The following BRIP1 variants were observed in gnomAD, a reference collection of about 807,000 sequenced individuals.
BRIP1 encodes BRCA1 interacting DNA helicase 1.
A neutral mutation model predicts 119.7 loss-of-function variants in BRIP1; 88 were observed. The observed-to-expected ratio is 0.74, with a 90% CI of 0.62 to 0.88. The LOEUF (loss-of-function observed/expected upper bound fraction) is 0.88, where lower values mean the gene tolerates loss of function less well. Among genes scored for constraint, BRIP1 ranks in the 40% least tolerant of loss-of-function variants. The pLI, the probability that BRIP1 is intolerant of heterozygous loss-of-function variation, is 0.00. For missense variants in BRIP1, 1,259 were observed against 1,455.4 expected (o/e 0.87, Z 2.20); for synonymous variants, 443 against 496.5 (o/e 0.89, Z 1.43).
intron 16 of BRIP1, among the ~76,000 whole-genome samples, chr17:61,719,182 C>T (rs1452992568): frequency 1.4e-5 from 2 of 147,902 alleles, no homozygotes; most frequent in African/African-American, 4.9e-5. Context: ...CATTGCCCCC[C>T]CCCCATGTTT....
At position 61,825,541 on chromosome 17, in the gene BRIP1, A is replaced by G. The variant is rs2078393032; in HGVS notation, c.628-16784T>C. Among the ~76,000 whole-genome samples, 1 of 151,850 alleles carries G rather than the reference A, an allele frequency of 6.6e-6. No individual in the cohort carries two copies. The highest frequency in any genetic ancestry group is 1.5e-5 in the Non-Finnish European group (1 of 67,982). Reference sequence around the variant, plus strand: ...TTGTCAGGATACTAAATCAATATGCAAAATTTACTGACATTCCAATTCACC... The same window carrying G: ...TTGTCAGGATACTAAATCAATATGCGAAATTTACTGACATTCCAATTCACC... On this transcript the variant is annotated intron_variant, in intron 6 of 19. Coordinates refer to ENST00000259008, the MANE Select transcript of BRIP1 (RefSeq NM_032043.3). The surrounding 1 kb of genome is among the most constrained non-coding windows in gnomAD (Gnocchi z 4.1).
chr17:61,686,052 T>C lies in BRIP1; in HGVS notation c.2689A>G (p.Lys897Glu), dbSNP rs587781644. ...TTGTCCTGTATATTGGTTCTGTCCT[T>C]TATGGATACATTAAGAACTTTTTGA... is the stretch of plus-strand genomic sequence containing the variant. ...KHQKVLNVSI[K>E]DRTNIQDNES... The change falls in exon 19 of 20, where the codon AAG becomes GAG. Residue 897 changes from lysine (K) to glutamate (E), a missense_variant. By Grantham distance (56) the Lys-to-Glu change is moderately conservative. Transcript: ENST00000259008. The surrounding 1 kb of genome is among the most constrained non-coding windows in gnomAD (Gnocchi z 5.4). 3.1e-6 allele frequency: 5 copies of C among 1,614,010 alleles called. No homozygotes were observed. Among genetic ancestry groups the C allele is most frequent in the East Asian group, 2.2e-5 (1 of 44,850 alleles).
Position 61,735,370 on chromosome 17 carries a change from C to T in BRIP1, c.2379+7643G>A, listed in dbSNP as rs1157940275. Among the ~76,000 whole-genome samples, 2 of 151,984 alleles carry T rather than the reference C, an allele frequency of 1.3e-5. No homozygotes were observed. The highest frequency in any genetic ancestry group is 3.9e-4 in the East Asian group (2 of 5,182). ...CACAATTTTATTAAGTTGTGTAAGA[C>T]TCTGTATTGGCTGACTGGGGCTAGA... On this transcript the variant is annotated intron_variant, in intron 16 of 19. Coordinates refer to ENST00000259008, the MANE Select transcript of BRIP1 (RefSeq NM_032043.3). This position sits in a 1 kb window ranked among gnomAD's most constrained non-coding sequence, Gnocchi z 4.4.
rs1010183675 is a variant in BRIP1 at position 61,851,882 on chromosome 17, T to C, written c.380-2626A>G. Among the ~76,000 whole-genome samples, 1 of 152,128 alleles carries C rather than the reference T, an allele frequency of 6.6e-6. No homozygotes were observed. Among genetic ancestry groups the C allele is most frequent in the South Asian group, 2.1e-4 (1 of 4,818 alleles). On this transcript the variant is annotated intron_variant, in intron 4 of 19. Transcript: ENST00000259008. The surrounding 1 kb of genome is among the most constrained non-coding windows in gnomAD (Gnocchi z 4.6). Reference sequence around the variant, plus strand: ...CCAATTTTAACACCACCACTTCTCATCCCAGGCATACTGGGCAATGTCTGG... The same window carrying C: ...CCAATTTTAACACCACCACTTCTCACCCCAGGCATACTGGGCAATGTCTGG...
Position 61,834,425 on chromosome 17 carries a change from T to C in BRIP1, c.627+12676A>G, listed in dbSNP as rs908301103. Among the ~76,000 whole-genome samples the C allele has an allele frequency of 6.6e-6, 1 of 152,062 alleles. No individual in the cohort carries two copies. Among genetic ancestry groups the C allele is most frequent in the African/African-American group, 2.4e-5 (1 of 41,390 alleles). On this transcript the variant is annotated intron_variant, in intron 6 of 19. Transcript: ENST00000259008. The surrounding 1 kb of genome is among the most constrained non-coding windows in gnomAD (Gnocchi z 4.4). Reference sequence around the variant, plus strand: ...TTTTGAGAGCCTGGAGAAAACATAGTAGTGTTCTCTATGGTGGAAATGTTT... The same window carrying C: ...TTTTGAGAGCCTGGAGAAAACATAGCAGTGTTCTCTATGGTGGAAATGTTT...
At chr17:61,718,420 C>T (rs1445218367) in intron 16 of BRIP1, among the ~76,000 whole-genome samples, 1 of 152,218 alleles carries the variant, frequency 6.6e-6, no homozygotes, top group East Asian at 1.9e-4. Flanking sequence ...GCTGGGAACT[C>T]AAACTATTCC....
Position 61,703,568 on chromosome 17 carries a change from T to G in BRIP1, c.2493-10056A>C, listed in dbSNP as rs2061649192. On this transcript the variant is annotated intron_variant, in intron 17 of 19. Coordinates refer to ENST00000259008, the MANE Select transcript of BRIP1 (RefSeq NM_032043.3). The surrounding 1 kb of genome is among the most constrained non-coding windows in gnomAD (Gnocchi z 5.0). ...TTGTAAGATGCATAGTTTGCAAACA[T>G]TTTCTCGCATTCTGTGGTTTGTCTT... Among the ~76,000 whole-genome samples, 1 of 152,234 alleles carries G rather than the reference T, an allele frequency of 6.6e-6. No individual in the cohort carries two copies. The highest frequency in any genetic ancestry group is 2.1e-4 in the South Asian group (1 of 4,832).
chr17:61,720,308 C>G lies in BRIP1; in HGVS notation c.2380-4245G>C, dbSNP rs116812017. The stretch of plus-strand genomic sequence containing the variant: ...TGATAAATGTTTGAGATGACAGATA[C>G]GCTAATTACCCTGATCTAATCAATA... On this transcript the variant is annotated intron_variant, in intron 16 of 19. Coordinates refer to ENST00000259008, the MANE Select transcript of BRIP1 (RefSeq NM_032043.3). The surrounding 1 kb of genome is among the most constrained non-coding windows in gnomAD (Gnocchi z 4.3). Among the ~76,000 whole-genome samples the G allele has an allele frequency of 4.3e-3, 655 of 152,184 alleles. 3 individuals are homozygous for G. Among genetic ancestry groups the G allele is most frequent in the African/African-American group, 0.015 (617 of 41,524 alleles).
rs1017501192 is a variant in BRIP1, at chr17:61,823,886, TC to T, written c.628-15130del. Among the ~76,000 whole-genome samples, 1 of 152,098 alleles carries T rather than the reference TC, an allele frequency of 6.6e-6. No homozygotes were observed. Among genetic ancestry groups the T allele is most frequent in the Non-Finnish European group, 1.5e-5 (1 of 68,014 alleles). On this transcript the variant is annotated intron_variant, in intron 6 of 19. Transcript: ENST00000259008. This position sits in a 1 kb window ranked among gnomAD's most constrained non-coding sequence, Gnocchi z 4.8. Reference sequence around the variant, plus strand: ...AGTTGTTGCCCAAAGTGATCTCAGCTCACTGCAACCTCCGCCTCCTGGGTTC... The same window carrying T: ...AGTTGTTGCCCAAAGTGATCTCAGCTACTGCAACCTCCGCCTCCTGGGTTC...
At position 61,705,540 on chromosome 17, in the gene BRIP1, G is replaced by A. The variant is rs900593014; in HGVS notation, c.2492+10411C>T. ...TCATTTCACTGATTTCATTATTTTT[G>A]TTACAATTCATCAATTTATACTTGT... On this transcript the variant is annotated intron_variant, in intron 17 of 19. Coordinates refer to ENST00000259008, the MANE Select transcript of BRIP1 (RefSeq NM_032043.3). This position sits in a 1 kb window ranked among gnomAD's most constrained non-coding sequence, Gnocchi z 5.0. Among the ~76,000 whole-genome samples the A allele has an allele frequency of 1.3e-5, 2 of 152,000 alleles. No homozygotes were observed. Among genetic ancestry groups the A allele is most frequent in the African/African-American group, 4.8e-5 (2 of 41,472 alleles).
rs1430777060 is a variant in BRIP1 at position 61,827,366 on chromosome 17, C to G, written c.628-18609G>C. ...ACAAAATAATCTGTACAACAAACCA[C>G]TACCACACAAGTTTACCTATATAAC... On this transcript the variant is annotated intron_variant, in intron 6 of 19. Coordinates refer to ENST00000259008, the MANE Select transcript of BRIP1 (RefSeq NM_032043.3). The surrounding 1 kb of genome is among the most constrained non-coding windows in gnomAD (Gnocchi z 5.8). Among the ~76,000 whole-genome samples the G allele has an allele frequency of 6.6e-6, 1 of 152,118 alleles. No individual in the cohort carries two copies. Among genetic ancestry groups the G allele is most frequent in the Non-Finnish European group, 1.5e-5 (1 of 68,018 alleles).
intron 11 of BRIP1, among the ~76,000 whole-genome samples, chr17:61,783,285 G>A (rs1313573460): frequency 6.6e-6 from 1 of 152,098 alleles, no homozygotes; most frequent in East Asian, 1.9e-4. Flanking sequence ...CAAATGAATT[G>A]AAATAAGCCA....
Position 61,757,118 on chromosome 17 carries a change from TAA to T in BRIP1, c.2098-12529_2098-12528del, listed in dbSNP as rs1184847156. 7.9e-5 allele frequency among the ~76,000 whole-genome samples: 12 copies of T among 152,278 alleles called. No homozygotes were observed. The highest frequency in any genetic ancestry group is 2.4e-4 in the African/African-American group (10 of 41,568). On this transcript the variant is annotated intron_variant, in intron 14 of 19. Transcript: ENST00000259008. The surrounding 1 kb of genome is among the most constrained non-coding windows in gnomAD (Gnocchi z 4.3). ...ACCCATATGTGGCATATGTTAGAAA[TAA>T]AAAAGAGTTCCTTTTAAATACTAAT...
At position 61,690,226 on chromosome 17, in the gene BRIP1, A is replaced by C. The variant is rs1175896363; in HGVS notation, c.2575+3204T>G. The stretch of plus-strand genomic sequence containing the variant: ...CAAGATATGCTAAAGGAAGCCTGCT[A>C]AACAGCAACACAAAAGCATAAAGTT... On this transcript the variant is annotated intron_variant, in intron 18 of 19. Transcript: ENST00000259008. The surrounding 1 kb of genome is among the most constrained non-coding windows in gnomAD (Gnocchi z 5.6). Among the ~76,000 whole-genome samples, 2 of 152,260 alleles carry C rather than the reference A, an allele frequency of 1.3e-5. No individual in the cohort carries two copies. The highest frequency in any genetic ancestry group is 2.4e-5 in the African/African-American group (1 of 41,476).
rs1064793415 is a variant in BRIP1, at chr17:61,776,530, C to T, written c.1968G>A (p.Lys656=). ...GGAAGGTAGCACAGAGATTCCGACC[C>T]TTGGGGCCTGACCCAATGGTACCAA... is the stretch of plus-strand genomic sequence containing the variant. ...VWVGTIGSGP[K]GRNLCATFQN... Residue 656 remains lysine, a synonymous_variant, in exon 14 of 20, where the codon AAG becomes AAA. Coordinates refer to ENST00000259008, the MANE Select transcript of BRIP1 (RefSeq NM_032043.3). This position sits in a 1 kb window ranked among gnomAD's most constrained non-coding sequence, Gnocchi z 5.0. The T allele has an allele frequency of 6.2e-7, 1 of 1,614,014 alleles. No homozygotes were observed. The highest frequency in any genetic ancestry group is 8.5e-7 in the Non-Finnish European group (1 of 1,180,012).
chr17:61,840,355 C>CAAACAAA (rs1196611392), intron 6 of BRIP1, among the ~76,000 whole-genome samples: 1 of 105,098 alleles, frequency 9.5e-6, no homozygotes, highest in East Asian at 3.0e-4. Context: ...GACTCCGTCT[C>CAAACAAA]AAAAAAAAAA....
chr17:61,722,045 T>G lies in BRIP1; in HGVS notation c.2380-5982A>C, dbSNP rs1276324219. 6.6e-6 allele frequency among the ~76,000 whole-genome samples: 1 copy of G among 151,354 alleles called. No homozygotes were observed. Among genetic ancestry groups the G allele is most frequent in the South Asian group, 2.1e-4 (1 of 4,768 alleles). ...CGCCTAGCCAACTTTGCTTTTTTTT[T>G]TTTTCTTTTTTTTTGAGACGGAGTC... On this transcript the variant is annotated intron_variant, in intron 16 of 19. Coordinates refer to ENST00000259008, the MANE Select transcript of BRIP1 (RefSeq NM_032043.3). This position sits in a 1 kb window ranked among gnomAD's most constrained non-coding sequence, Gnocchi z 4.6.
In BRIP1 at chr17:61,691,256, TAA is replaced by T. The variant is rs147475618; in HGVS notation, c.2575+2172_2575+2173del. 1.3e-5 allele frequency among the ~76,000 whole-genome samples: 2 copies of T among 148,826 alleles called. No individual in the cohort carries two copies. The highest frequency in any genetic ancestry group is 3.0e-5 in the Non-Finnish European group (2 of 66,956). ...ATAATAATAAAAATAAAAATTAAAATAAAAAAACTCAAACCAGGGAAAAAAAA... is the reference window on the plus strand; with the variant it reads ...ATAATAATAAAAATAAAAATTAAAATAAAAACTCAAACCAGGGAAAAAAAA... On this transcript the variant is annotated intron_variant, in intron 18 of 19. Coordinates refer to ENST00000259008, the MANE Select transcript of BRIP1 (RefSeq NM_032043.3). This position sits in a 1 kb window ranked among gnomAD's most constrained non-coding sequence, Gnocchi z 5.0.
chr17:61,778,313 A>G lies in BRIP1; in HGVS notation c.1936-1751T>C, dbSNP rs372388483. On this transcript the variant is annotated intron_variant, in intron 13 of 19. Coordinates refer to ENST00000259008, the MANE Select transcript of BRIP1 (RefSeq NM_032043.3). The surrounding 1 kb of genome is among the most constrained non-coding windows in gnomAD (Gnocchi z 4.4). ...TCATAGAAACAGAAAGCAGAATGGTAGTTACCAGGAGCTGAGGAGAGGGGG... is the reference window on the plus strand; with the variant it reads ...TCATAGAAACAGAAAGCAGAATGGTGGTTACCAGGAGCTGAGGAGAGGGGG... Among the ~76,000 whole-genome samples, 2 of 152,162 alleles carry G rather than the reference A, an allele frequency of 1.3e-5. No homozygotes were observed. Among genetic ancestry groups the G allele is most frequent in the South Asian group, 4.1e-4 (2 of 4,828 alleles).
Sources: gnomAD v4.1 joint callset for allele counts (sites outside exome capture counted in the v4.1 genomes callset) on GRCh38, gnomAD v4.1.1 for gene constraint, Gnocchi (gnomAD v3.1) non-coding constraint, MANE v1.5 for transcripts, NCBI Gene and HGNC (gene_info 2026-07-23, HGNC 2026-07-21) for gene names.